Variants in PTPN14 observed in about 807,000 individuals in gnomAD.
PTPN14 encodes tyrosine-protein phosphatase non-receptor type 14.
PTPN14 carries 53 observed loss-of-function variants against 126.8 expected under a neutral mutation model. The observed-to-expected ratio is 0.42, with a 90% CI of 0.34 to 0.53. The LOEUF (loss-of-function observed/expected upper bound fraction) is 0.53. Among genes scored for constraint, PTPN14 ranks in the 20% least tolerant of loss-of-function variants. The probability of loss-of-function intolerance (pLI) is 0.08; values close to 1 mark genes in which losing one functional copy is unlikely to be tolerated. For missense variants in PTPN14, 1,257 were observed against 1,552.9 expected (o/e 0.81, Z 3.20); for synonymous variants, 630 against 599.3 (o/e 1.05, Z -0.75).
intron 3 of PTPN14, among the ~76,000 whole-genome samples, chr1:214,444,789 T>C (rs983786595): frequency 6.6e-6 from 1 of 152,196 alleles, no homozygotes; most frequent in South Asian, 2.1e-4. Context: ...CTTATGAAGA[T>C]ATACAGCTTC....
intron 2 of PTPN14, among the ~76,000 whole-genome samples, chr1:214,452,471 C>T (rs140791072): frequency 6.1e-4 from 93 of 152,296 alleles, no homozygotes; most frequent in Middle Eastern, 3.4e-3. Flanking sequence ...CAGATTTTAA[C>T]GGAGAATTTA....
intron 1 of PTPN14, among the ~76,000 whole-genome samples, chr1:214,542,732 G>C (rs1178231464): frequency 2.0e-5 from 3 of 152,188 alleles, no homozygotes; most frequent in Non-Finnish European, 4.4e-5. Flanking sequence ...ACAACATTAG[G>C]TGGAAAATGA....
chr1:214,456,405 A>G (rs1417930391), intron 2 of PTPN14, among the ~76,000 whole-genome samples: 13 of 152,240 alleles, frequency 8.5e-5, no homozygotes, highest in Admixed American at 8.5e-4. Flanking sequence ...ACTCTGAAAT[A>G]GCACTTCATG....
intron 1 of PTPN14, among the ~76,000 whole-genome samples, chr1:214,471,070 C>G (rs1235907041): frequency 6.7e-6 from 1 of 149,272 alleles, no homozygotes; most frequent in Non-Finnish European, 1.5e-5. Flanking sequence ...ACTTGAACCC[C>G]CTAAATCTTT....
At chr1:214,374,655 CA>C (rs1658299983) in intron 15 of PTPN14, among the ~76,000 whole-genome samples, 1 of 152,132 alleles carries the variant, frequency 6.6e-6, no homozygotes, top group African/African-American at 2.4e-5. Context: ...TCCTCTATTC[CA>C]AAACACAGGG....
At chr1:214,464,590 C>T in intron 2 of PTPN14, 40 bp downstream of exon 2, 1 of 1,600,660 alleles carries the variant, frequency 6.2e-7, no homozygotes, top group South Asian at 1.1e-5. Context: ...ACCCAACACG[C>T]ATGCACGCGC....
chr1:214,452,247 G>A (rs147431202), intron 2 of PTPN14, among the ~76,000 whole-genome samples: 13 of 152,282 alleles, frequency 8.5e-5, no homozygotes, highest in African/African-American at 1.7e-4. Context: ...AAGGGGAGTC[G>A]CGCAGGGAAG....
At chr1:214,453,397 T>C (rs1660312053) in intron 2 of PTPN14, among the ~76,000 whole-genome samples, 1 of 152,340 alleles carries the variant, frequency 6.6e-6, no homozygotes, top group Non-Finnish European at 1.5e-5. Context: ...CCATCTCCCA[T>C]CTTTTGCACT....
chr1:214,403,650 G>A (rs894874532), intron 5 of PTPN14, among the ~76,000 whole-genome samples: 1 of 152,222 alleles, frequency 6.6e-6, no homozygotes, highest in Admixed American at 6.5e-5. Flanking sequence ...ACAGTGGGAG[G>A]ATTTACATCA....
At position 214,421,495 on chromosome 1, in the gene PTPN14, T is replaced by C. The variant is rs77869201; in HGVS notation, c.345-6769A>G. Among the ~76,000 whole-genome samples the C allele has an allele frequency of 8.6e-3, 1,313 of 152,104 alleles. 12 individuals are homozygous for C. The highest frequency in any genetic ancestry group is 0.02 in the Middle Eastern group (6 of 294). The stretch of plus-strand genomic sequence containing the variant: ...CTAAAAGTCACTGAATTGTATACTT[T>C]AAAGTGGTTAAAATGATGGATTTAC... On this transcript the variant is annotated intron_variant, in intron 3 of 18. Transcript: ENST00000366956.
At chr1:214,534,645 G>A (rs1481385877) in intron 1 of PTPN14, among the ~76,000 whole-genome samples, 3 of 151,760 alleles carry the variant, frequency 2.0e-5, no homozygotes, top group Admixed American at 1.3e-4. Context: ...TGTGGGAGGC[G>A]GAGCTTGCAG....
Position 214,383,789 on chromosome 1 carries a change from A to G in PTPN14, c.2066T>C (p.Leu689Pro). The change falls in exon 13 of 19, where the codon CTC becomes CCC. Residue 689 changes from leucine (L) to proline (P), a missense_variant. By Grantham distance (98) the Leu-to-Pro change is moderately conservative (BLOSUM62 -3). Transcript: ENST00000366956. The surrounding 1 kb of genome is among the most constrained non-coding windows in gnomAD (Gnocchi z 4.4). ...EGSGSHEVPQ[L>P]PQYHHKKTFS... is the part of the protein sequence containing the mutation. The stretch of plus-strand genomic sequence containing the variant: ...GGTCTTCTTGTGGTGATACTGAGGG[A>G]GCTGGGGGACCTCGTGGCTGCCTGA... 3 of 1,612,870 alleles carry G rather than the reference A, an allele frequency of 1.9e-6. No homozygotes were observed. The highest frequency in any genetic ancestry group is 2.5e-6 in the Non-Finnish European group (3 of 1,180,002).
At chr1:214,505,904 C>G (rs1024211278) in intron 1 of PTPN14, among the ~76,000 whole-genome samples, 2 of 152,052 alleles carry the variant, frequency 1.3e-5, no homozygotes, top group Admixed American at 1.3e-4. Context: ...TCAAAAAAAT[C>G]GAGTTTGTAA....
At chr1:214,487,590 C>A (rs1034263199) in intron 1 of PTPN14, among the ~76,000 whole-genome samples, 3 of 148,216 alleles carry the variant, frequency 2.0e-5, no homozygotes, top group African/African-American at 7.4e-5. Context: ...GCAGAGATCA[C>A]GCCACTGCAC....
intron 1 of PTPN14, among the ~76,000 whole-genome samples, chr1:214,516,121 C>T (rs149027163): frequency 4.2e-4 from 64 of 152,302 alleles, no homozygotes; most frequent in African/African-American, 1.3e-3. Context: ...CTGCCACTGC[C>T]AGGTTCTCAA....
chr1:214,517,715 C>G (rs1475635119), intron 1 of PTPN14, among the ~76,000 whole-genome samples: 1 of 152,058 alleles, frequency 6.6e-6, no homozygotes, highest in Admixed American at 6.6e-5. Flanking sequence ...TGATCTGAGG[C>G]AGGTGGATTG....
intron 14 of PTPN14, among the ~76,000 whole-genome samples, chr1:214,377,146 A>G (rs1328804186): frequency 6.6e-6 from 1 of 152,242 alleles, no homozygotes; most frequent in African/African-American, 2.4e-5. Flanking sequence ...AATCAGCCTC[A>G]TTTTATGGTC....
intron 1 of PTPN14, among the ~76,000 whole-genome samples, chr1:214,477,878 G>A (rs1660900274): frequency 6.6e-6 from 1 of 152,186 alleles, no homozygotes; most frequent in Admixed American, 6.5e-5. Context: ...TAATTCAAGA[G>A]ACTCCTTTTG....
rs1219717818 is a variant in PTPN14, at chr1:214,377,476, CAT to C, written c.2688+481_2688+482del. ...TAATACGTACAACAAACCCCTGTGA[CAT>C]GTGTTTACCTATGTAATAAACCTTC... On this transcript the variant is annotated intron_variant, in intron 14 of 18. Coordinates refer to ENST00000366956, the MANE Select transcript of PTPN14 (RefSeq NM_005401.5). 2.0e-5 allele frequency among the ~76,000 whole-genome samples: 3 copies of C among 152,036 alleles called. No homozygotes were observed. The East Asian group carries it at 5.8e-4, about 29-fold the overall frequency.
Sources: gnomAD v4.1 joint callset for allele counts (sites outside exome capture counted in the v4.1 genomes callset) on GRCh38, gnomAD v4.1.1 for gene constraint, Gnocchi (gnomAD v3.1) non-coding constraint, MANE v1.5 for transcripts, NCBI Gene and HGNC (gene_info 2026-07-23, HGNC 2026-07-21) for gene names.